The following CDK17 variants were observed in gnomAD, a reference collection of about 807,000 sequenced individuals.
CDK17 encodes cyclin dependent kinase 17.
Under a neutral mutation model 77.6 loss-of-function variants are expected in CDK17, and 24 were observed. The ratio of observed to expected loss-of-function variants is 0.31; its 90% CI spans 0.22 to 0.44. CDK17 has a LOEUF of 0.44. Among genes scored for constraint, CDK17 ranks in the 20% least tolerant of loss-of-function variants. CDK17 has a pLI of 1.00. For synonymous variants in CDK17, 203 were observed against 210.4 expected, an observed-to-expected ratio of 0.96 and a Z score of 0.30; for missense variants, 429 against 622.5, an observed-to-expected ratio of 0.69 and a Z score of 3.31.
chr12:96,344,114 A>T (rs1953163050), intron 1 of CDK17, among the ~76,000 whole-genome samples: 2 of 152,206 alleles, frequency 1.3e-5, no homozygotes, highest in Non-Finnish European at 2.9e-5. Context: ...ATGATTAGCA[A>T]ATTTGAAGAC....
At chr12:96,291,023 A>G (rs1353854539) in intron 10 of CDK17, among the ~76,000 whole-genome samples, 2 of 152,000 alleles carry the variant, frequency 1.3e-5, no homozygotes, top group Non-Finnish European at 2.9e-5. Context: ...TGATCGTGGG[A>G]AAAGGGTAGA....
At chr12:96,351,824 A>G (rs1953316998) in intron 1 of CDK17, among the ~76,000 whole-genome samples, 1 of 152,184 alleles carries the variant, frequency 6.6e-6, no homozygotes, top group Non-Finnish European at 1.5e-5. Flanking sequence ...GACCTATACC[A>G]ATTATGCTGA....
At chr12:96,355,398 GTTTTTTTTT>G (rs58937020) in intron 1 of CDK17, among the ~76,000 whole-genome samples, 1 of 72,476 alleles carries the variant, frequency 1.4e-5, no homozygotes, top group African/African-American at 6.1e-5. Context: ...TCTACATTGG[GTTTTTTTTT>G]TTTTTTTTTT....
chr12:96,332,613 T>C (rs1317988264), intron 2 of CDK17, among the ~76,000 whole-genome samples: 5 of 152,176 alleles, frequency 3.3e-5, no homozygotes, highest in African/African-American at 9.6e-5. Flanking sequence ...GTGAAATCCA[T>C]GTGCTATTAC....
At chr12:96,393,463 T>C (rs1311388123) in intron 1 of CDK17, among the ~76,000 whole-genome samples, 1 of 151,092 alleles carries the variant, frequency 6.6e-6, no homozygotes, top group Non-Finnish European at 1.5e-5. Flanking sequence ...CTGGGCACAG[T>C]GGCTCACACC....
intron 5 of CDK17, among the ~76,000 whole-genome samples, chr12:96,304,992 C>A (rs1285662463): frequency 2.0e-5 from 3 of 152,080 alleles, no homozygotes; most frequent in Admixed American, 1.3e-4. Flanking sequence ...AATTTGAATA[C>A]AATAAGACAA....
intron 5 of CDK17, among the ~76,000 whole-genome samples, 162 bp downstream of exon 5, chr12:96,310,890 T>A (rs1274214128): frequency 6.6e-6 from 1 of 151,636 alleles, no homozygotes; most frequent in Non-Finnish European, 1.5e-5. Flanking sequence ...AGGACTCCAA[T>A]AAACCTTTAA....
intron 1 of CDK17, among the ~76,000 whole-genome samples, chr12:96,388,530 C>A (rs1169526152): frequency 1.3e-5 from 2 of 152,112 alleles, no homozygotes; most frequent in Non-Finnish European, 2.9e-5. Flanking sequence ...GTTCAAAAAG[C>A]CAGAGACGAT....
intron 1 of CDK17, among the ~76,000 whole-genome samples, chr12:96,363,560 T>G (rs954709599): frequency 6.7e-6 from 1 of 150,214 alleles, no homozygotes; most frequent in East Asian, 2.0e-4. Context: ...AAAATAAATA[T>G]TGTTGGGCCA....
At chr12:96,347,182 G>C (rs1000049339) in intron 1 of CDK17, among the ~76,000 whole-genome samples, 2 of 152,058 alleles carry the variant, frequency 1.3e-5, no homozygotes, top group African/African-American at 4.8e-5. Flanking sequence ...GAATTGAAAG[G>C]AGAAACAGAC....
chr12:96,305,997 C>G (rs994390400), intron 5 of CDK17, among the ~76,000 whole-genome samples: 5 of 152,156 alleles, frequency 3.3e-5, no homozygotes, highest in African/African-American at 1.2e-4. Flanking sequence ...GGTGGGATTA[C>G]AGGCATGAGC....
chr12:96,308,895 C>CTATATA (rs1473396668), intron 5 of CDK17, among the ~76,000 whole-genome samples: 1 of 151,806 alleles, frequency 6.6e-6, no homozygotes, highest in African/African-American at 2.4e-5. Flanking sequence ...GATTTATGTT[C>CTATATA]TGCTTTCTAT....
intron 7 of CDK17, among the ~76,000 whole-genome samples, chr12:96,298,144 G>A (rs1565808433): frequency 6.6e-6 from 1 of 151,936 alleles, no homozygotes; most frequent in East Asian, 1.9e-4. Context: ...AAAGTTAGCC[G>A]GGCGTGATGG....
intron 4 of CDK17, among the ~76,000 whole-genome samples, chr12:96,311,449 A>G (rs966527023): frequency 1.3e-5 from 2 of 151,238 alleles, no homozygotes; most frequent in Admixed American, 1.3e-4. Flanking sequence ...AATTTACTTT[A>G]AATTTATTAT....
At chr12:96,339,857 G>A (rs1240769695) in intron 1 of CDK17, among the ~76,000 whole-genome samples, 111 of 152,068 alleles carry the variant, frequency 7.3e-4, no homozygotes, top group Non-Finnish European at 1.6e-4. Flanking sequence ...ATCCCAGGGG[G>A]CAGAGGTTGC....
At chr12:96,390,849 T>A (rs1472367120) in intron 1 of CDK17, among the ~76,000 whole-genome samples, 1 of 151,516 alleles carries the variant, frequency 6.6e-6, no homozygotes, top group Non-Finnish European at 1.5e-5. Flanking sequence ...AAACCTGTAA[T>A]CCCAACACTT....
chr12:96,381,864 CCTT>C (rs1953889368), intron 1 of CDK17, among the ~76,000 whole-genome samples: 2 of 151,890 alleles, frequency 1.3e-5, no homozygotes, highest in Admixed American at 1.3e-4. Flanking sequence ...AAAGTCTCCT[CCTT>C]AGCAATCCGT....
chr12:96,292,825 C>T (rs1952343810), intron 10 of CDK17, among the ~76,000 whole-genome samples: 1 of 151,678 alleles, frequency 6.6e-6, no homozygotes, highest in Non-Finnish European at 1.5e-5. Context: ...CTTTCAATTC[C>T]CTTAAAACCA....
intron 1 of CDK17, among the ~76,000 whole-genome samples, chr12:96,363,399 C>T (rs1413502031): frequency 2.1e-5 from 3 of 144,726 alleles, no homozygotes; most frequent in African/African-American, 7.7e-5. Context: ...TGCAGTGAGC[C>T]GAGATGGGCC....
Sources: gnomAD v4.1 joint callset for allele counts (sites outside exome capture counted in the v4.1 genomes callset) on GRCh38, gnomAD v4.1.1 for gene constraint, MANE v1.5 for transcripts, NCBI Gene and HGNC (gene_info 2026-07-23, HGNC 2026-07-21) for gene names.